Variants in KDM4C observed in about 807,000 individuals in gnomAD.
The protein encoded by KDM4C is lysine demethylase 4C.
A neutral mutation model predicts 129.3 loss-of-function variants in KDM4C; 81 were observed. That is an observed-to-expected ratio of 0.63 (90% CI 0.52 to 0.75). The LOEUF (loss-of-function observed/expected upper bound fraction) is 0.75. Ranked by LOEUF, KDM4C falls within the 30% of genes least tolerant of loss-of-function variation. The pLI is 0.00. For synonymous variants in KDM4C, 573 were observed against 456.1 expected (o/e 1.26, Z -3.26); for missense variants, 1,457 against 1,304.0 (o/e 1.12, Z -1.81).
chr9:7,030,687 A>G (rs1233574954), intron 15 of KDM4C, among the ~76,000 whole-genome samples: 5 of 152,208 alleles, frequency 3.3e-5, no homozygotes, highest in Non-Finnish European at 7.3e-5. Context: ...CTTTGATGCA[A>G]AGTACATTGT....
chr9:6,751,990 A>G (rs1818075888), intron 1 of KDM4C, among the ~76,000 whole-genome samples: 1 of 152,172 alleles, frequency 6.6e-6, no homozygotes, highest in Non-Finnish European at 1.5e-5. Context: ...TTGTGATACC[A>G]AAGGAGCTAC....
At chr9:6,980,789 A>G (rs1816637489) in intron 8 of KDM4C, 136 bp from the exon 9 acceptor site, 1 of 677,788 alleles carries the variant, frequency 1.5e-6, no homozygotes, top group African/African-American at 1.8e-5. Flanking sequence ...TCACCCATTG[A>G]ATGTTTGATA....
At chr9:6,740,038 C>T (rs946764321) in intron 1 of KDM4C, among the ~76,000 whole-genome samples, 17 of 151,880 alleles carry the variant, frequency 1.1e-4, no homozygotes, top group South Asian at 2.1e-4. Context: ...TACAGGCGCG[C>T]GCCACCACAC....
rs766636169 is a variant in KDM4C, at chr9:7,015,867, C to T, written c.2197C>T (p.Pro733Ser). The change falls in exon 15 of 22, where the codon CCT becomes TCT. Residue 733 changes from proline (P) to serine (S), a missense_variant. Coordinates refer to ENST00000381309, the MANE Select transcript of KDM4C (RefSeq NM_015061.6). ...TTATTTTATAGGTTGTTATGGTATT[C>T]CTTCTCATGAGATCTGTGATGGATG... is the stretch of plus-strand genomic sequence containing the variant. ...VRVHASCYGI[P>S]SHEICDGWLC... 6.2e-7 allele frequency: 1 copy of T among 1,611,484 alleles called. No individual in the cohort carries two copies. The highest frequency in any genetic ancestry group is 8.5e-7 in the Non-Finnish European group (1 of 1,177,900).
At chr9:7,111,595 G>A (rs1303978936) in intron 18 of KDM4C, among the ~76,000 whole-genome samples, 1 of 152,134 alleles carries the variant, frequency 6.6e-6, no homozygotes, top group Non-Finnish European at 1.5e-5. Context: ...AGAGTCCAGG[G>A]TGTTCTAAGC....
chr9:6,785,482 A>G (rs1253976431), intron 1 of KDM4C, among the ~76,000 whole-genome samples: 1 of 151,954 alleles, frequency 6.6e-6, no homozygotes, highest in East Asian at 1.9e-4. Context: ...GATTACAGGC[A>G]CCCGCCACCA....
chr9:7,033,435 G>A (rs1183904028), intron 15 of KDM4C, among the ~76,000 whole-genome samples: 1 of 152,204 alleles, frequency 6.6e-6, no homozygotes, highest in African/African-American at 2.4e-5. Flanking sequence ...TGAGGTGGCA[G>A]ATTATTCTGA....
chr9:7,104,055 C>T (rs1336498038), intron 18 of KDM4C, 185 bp downstream of exon 18: 2 of 584,534 alleles, frequency 3.4e-6, no homozygotes, highest in Non-Finnish European at 6.1e-6. Context: ...TAGGACCTGT[C>T]AAGTGCCTGG....
chr9:7,172,385 C>T (rs1197586305), intron 21 of KDM4C, among the ~76,000 whole-genome samples: 1 of 152,184 alleles, frequency 6.6e-6, no homozygotes, highest in Admixed American at 6.5e-5. Flanking sequence ...GCTAGAGCTC[C>T]TGGTAAATCG....
At chr9:7,115,359 G>A (rs771845494) in intron 18 of KDM4C, among the ~76,000 whole-genome samples, 6 of 151,978 alleles carry the variant, frequency 3.9e-5, no homozygotes, top group African/African-American at 1.2e-4. Context: ...ACGCAGAATC[G>A]TCTGATAGCT....
At chr9:6,800,590 A>G (rs1161352604) in intron 2 of KDM4C, among the ~76,000 whole-genome samples, 1 of 151,704 alleles carries the variant, frequency 6.6e-6, no homozygotes, top group Non-Finnish European at 1.5e-5. Flanking sequence ...TATACTATGA[A>G]TGTATATCTA....
intron 8 of KDM4C, among the ~76,000 whole-genome samples, chr9:6,953,306 G>A (rs1451233740): frequency 2.0e-5 from 3 of 152,194 alleles, no homozygotes; most frequent in African/African-American, 7.2e-5. Context: ...TGATTCTCAT[G>A]GAGTAAAGGC....
chr9:6,737,564 T>C (rs904568137), intron 1 of KDM4C, among the ~76,000 whole-genome samples: 1 of 146,450 alleles, frequency 6.8e-6, no homozygotes, highest in African/African-American at 2.5e-5. Context: ...CTTGGGAGCC[T>C]GAGGCAGGAG....
At chr9:7,136,674 G>A (rs1046816582) in intron 19 of KDM4C, among the ~76,000 whole-genome samples, 34 of 152,180 alleles carry the variant, frequency 2.2e-4, no homozygotes, top group African/African-American at 8.2e-4. Flanking sequence ...ACATTTTATT[G>A]AGTTTTCTTA....
intron 18 of KDM4C, among the ~76,000 whole-genome samples, chr9:7,110,655 G>C (rs1415376115): frequency 6.6e-6 from 1 of 152,212 alleles, no homozygotes; most frequent in East Asian, 1.9e-4. Flanking sequence ...TGCTTTTCTG[G>C]TCTCTTTCTT....
At position 6,804,900 on chromosome 9, in the gene KDM4C, G is replaced by A. The variant is rs529389412; in HGVS notation, c.145-699G>A. Among the ~76,000 whole-genome samples, 44 of 151,732 alleles carry A rather than the reference G, an allele frequency of 2.9e-4. No individual in the cohort carries two copies. In the East Asian group the frequency reaches 3.1e-3, roughly 11 times the overall value. On this transcript the variant is annotated intron_variant, in intron 2 of 21. Transcript: ENST00000381309. ...AAATTATTTATGTAAACATAATTTC[G>A]TCTTTTTTTGTTTTTCCTGAGACAG...
intron 2 of KDM4C, among the ~76,000 whole-genome samples, chr9:6,799,482 G>T (rs1468515926): frequency 6.6e-6 from 1 of 152,170 alleles, no homozygotes; most frequent in Non-Finnish European, 1.5e-5. Context: ...GGAGAATCAG[G>T]CAGGGAGGTT....
chr9:6,847,204 G>A (rs1220020030), intron 4 of KDM4C, among the ~76,000 whole-genome samples: 1 of 152,172 alleles, frequency 6.6e-6, no homozygotes, highest in African/African-American at 2.4e-5. Context: ...ATAATATGGT[G>A]CTCATTTATT....
chr9:7,031,746 A>T (rs944011633), intron 15 of KDM4C, among the ~76,000 whole-genome samples: 1 of 152,154 alleles, frequency 6.6e-6, no homozygotes, highest in African/African-American at 2.4e-5. Flanking sequence ...TCTGCATATT[A>T]AGTAATGGTT....
Sources: allele counts gnomAD v4.1 joint callset (sites outside exome capture counted in the v4.1 genomes callset), GRCh38; gene constraint gnomAD v4.1.1; transcripts MANE v1.5; gene names NCBI Gene and HGNC (gene_info 2026-07-23, HGNC 2026-07-21).